The following CDH2 variants were observed in gnomAD, a reference collection of about 807,000 sequenced individuals.
CDH2 encodes the protein cadherin-2.
CDH2 carries 17 observed loss-of-function variants against 92.0 expected under a neutral mutation model. The ratio of observed to expected loss-of-function variants is 0.18; its 90% CI spans 0.13 to 0.28. The LOEUF (loss-of-function observed/expected upper bound fraction) is 0.28, where lower values mean the gene tolerates loss of function less well. Ranked by LOEUF, CDH2 falls within the 10% of genes least tolerant of loss-of-function variation. CDH2 has a pLI of 1.00. For missense variants in CDH2, 862 were observed against 1,133.1 expected (o/e 0.76, Z 3.44); for synonymous variants, 419 against 415.9 (o/e 1.01, Z -0.09).
chr18:28,157,437 G>A (rs938628174), intron 1 of CDH2, among the ~76,000 whole-genome samples: 1 of 152,178 alleles, frequency 6.6e-6, no homozygotes, highest in African/African-American at 2.4e-5. Flanking sequence ...ATAACCCTAT[G>A]AGGTAGATGC....
At chr18:28,052,673 TG>T (rs2144129496) in intron 2 of CDH2, among the ~76,000 whole-genome samples, 1 of 152,268 alleles carries the variant, frequency 6.6e-6, no homozygotes, top group Non-Finnish European at 1.5e-5. Context: ...ACCGAAGGAC[TG>T]GAAGTGAAAA....
intron 2 of CDH2, among the ~76,000 whole-genome samples, chr18:28,059,687 G>T (rs931637388): frequency 6.6e-6 from 1 of 152,146 alleles, no homozygotes; most frequent in Admixed American, 6.5e-5. Flanking sequence ...AATAAAATTT[G>T]TTGTGATTTT....
At chr18:28,118,267 A>G (rs975787731) in intron 2 of CDH2, among the ~76,000 whole-genome samples, 6 of 152,270 alleles carry the variant, frequency 3.9e-5, no homozygotes, top group African/African-American at 1.4e-4. Flanking sequence ...CAGAAATGCA[A>G]CAGGAAAAAA....
At chr18:28,176,382 T>TTG (rs1568028385) in intron 1 of CDH2, among the ~76,000 whole-genome samples, 1 of 151,782 alleles carries the variant, frequency 6.6e-6, no homozygotes, top group Non-Finnish European at 1.5e-5. Flanking sequence ...ACACAGAATA[T>TTG]TGTGAGGGCA....
At chr18:28,139,741 A>G (rs2015922915) in intron 2 of CDH2, among the ~76,000 whole-genome samples, 1 of 151,872 alleles carries the variant, frequency 6.6e-6, no homozygotes. Flanking sequence ...CTAACTTCCT[A>G]ACACTACAGT....
At chr18:28,083,010 T>C (rs1480252988) in intron 2 of CDH2, among the ~76,000 whole-genome samples, 1 of 152,178 alleles carries the variant, frequency 6.6e-6, no homozygotes, top group Non-Finnish European at 1.5e-5. Flanking sequence ...TAACAGTTGA[T>C]GCCAACTGAG....
chr18:28,173,221 T>C (rs184142380), intron 1 of CDH2, among the ~76,000 whole-genome samples: 5 of 152,268 alleles, frequency 3.3e-5, no homozygotes, highest in African/African-American at 7.2e-5. Context: ...GTTTAATATA[T>C]AGTGTTTTAA....
At chr18:27,941,247 G>A (rs1309903330) in intron 6 of CDH2, among the ~76,000 whole-genome samples, 12 of 152,014 alleles carry the variant, frequency 7.9e-5, no homozygotes, top group Non-Finnish European at 1.8e-4. Context: ...GTGTTAGCCA[G>A]GATGGTCTTG....
At chr18:28,120,010 T>C (rs1223925104) in intron 2 of CDH2, among the ~76,000 whole-genome samples, 2 of 152,068 alleles carry the variant, frequency 1.3e-5, no homozygotes, top group Non-Finnish European at 1.5e-5. Context: ...GTATCTTTCC[T>C]GGAATGCCAG....
At chr18:28,054,973 C>T (rs1397807490) in intron 2 of CDH2, among the ~76,000 whole-genome samples, 1 of 152,136 alleles carries the variant, frequency 6.6e-6, no homozygotes, top group East Asian at 1.9e-4. Flanking sequence ...AAGTGTGTCT[C>T]CCTCTCTATA....
At chr18:28,148,258 A>G (rs1372941880) in intron 1 of CDH2, among the ~76,000 whole-genome samples, 3 of 152,206 alleles carry the variant, frequency 2.0e-5, no homozygotes, top group Non-Finnish European at 4.4e-5. Context: ...TAAAATTATA[A>G]TATACTTACA....
At chr18:28,100,123 G>A (rs1452519436) in intron 2 of CDH2, among the ~76,000 whole-genome samples, 1 of 152,186 alleles carries the variant, frequency 6.6e-6, no homozygotes, top group East Asian at 1.9e-4. Context: ...CAATGTGGCT[G>A]TGCCATGGGG....
intron 1 of CDH2, 115 bp downstream of exon 1, chr18:28,176,848 G>C: frequency 2.4e-6 from 1 of 413,876 alleles, no homozygotes; most frequent in South Asian, 1.0e-4. Context: ...GGCGCGGCGT[G>C]GCACCTCCCT....
intron 2 of CDH2, among the ~76,000 whole-genome samples, chr18:28,043,950 T>TCACTCAGG (rs2014017726): frequency 7.0e-6 from 1 of 143,502 alleles, no homozygotes; most frequent in South Asian, 2.4e-4. Context: ...TCTTGCTCTG[T>TCACTCAGG]CACTCAGGCT....
At chr18:28,013,586 C>T (rs1222991873) in intron 3 of CDH2, 97 bp downstream of exon 3, 2 of 800,878 alleles carry the variant, frequency 2.5e-6, no homozygotes, top group East Asian at 4.9e-5. Context: ...CAAATAGTGG[C>T]CATCCATTAA....
At chr18:27,955,386 GAAAAAGAA>G (rs1384626493) in intron 15 of CDH2, among the ~76,000 whole-genome samples, 4 of 101,858 alleles carry the variant, frequency 3.9e-5, no homozygotes, top group Non-Finnish European at 7.7e-5. Context: ...AAAAAAAAAA[GAAAAAGAA>G]AGAAAAAGAG....
chr18:28,109,208 G>A (rs867955853), intron 2 of CDH2, among the ~76,000 whole-genome samples: 1 of 152,070 alleles, frequency 6.6e-6, no homozygotes, highest in African/African-American at 2.4e-5. Flanking sequence ...ATAGAAACAA[G>A]GTATCTATGC....
chr18:28,136,563 T>C (rs951169319), intron 2 of CDH2, among the ~76,000 whole-genome samples: 3 of 152,160 alleles, frequency 2.0e-5, no homozygotes, highest in African/African-American at 7.2e-5. Context: ...TTCTGATCAA[T>C]TGTTAACATG....
intron 1 of CDH2, among the ~76,000 whole-genome samples, chr18:28,172,892 T>C (rs1246365008): frequency 6.6e-6 from 1 of 152,152 alleles, no homozygotes; most frequent in Non-Finnish European, 1.5e-5. Flanking sequence ...ATGGGGATTT[T>C]AATCACTTAG....
Sources: allele counts gnomAD v4.1 joint callset (sites outside exome capture counted in the v4.1 genomes callset), GRCh38; gene constraint gnomAD v4.1.1; transcripts MANE v1.5; gene names NCBI Gene and HGNC (gene_info 2026-07-23, HGNC 2026-07-21).